Variants in ACOT11 observed in about 807,000 individuals in gnomAD.
ACOT11 encodes acyl-coenzyme A thioesterase 11.
In ACOT11, 69 loss-of-function variants were observed where a neutral mutation model predicts 77.5. That is an observed-to-expected ratio of 0.89 (90% CI 0.73 to 1.09). ACOT11 has a LOEUF of 1.09. ACOT11 is among the 50% of genes least tolerant of loss of function. The pLI is 0.00. For synonymous variants in ACOT11, 279 were observed against 313.0 expected (o/e 0.89, Z 1.15); for missense variants, 766 against 813.7 (o/e 0.94, Z 0.71).
downstream of ACOT11, chr1:54,611,099 C>T (rs545578636): frequency 2.0e-4 from 171 of 842,890 alleles, no homozygotes; most frequent in African/African-American, 1.9e-3. Flanking sequence ...TGTTTTGAGC[C>T]GCTGTTTCTC....
intron 1 of ACOT11, among the ~76,000 whole-genome samples, chr1:54,571,316 CCTT>C (rs1427176714): frequency 1.3e-5 from 2 of 152,086 alleles, no homozygotes; most frequent in Non-Finnish European, 2.9e-5. Context: ...TTTCAATAAA[CCTT>C]CTTGTAGGCT....
At chr1:54,560,370 G>T (rs1263393806) in intron 1 of ACOT11, among the ~76,000 whole-genome samples, 2 of 152,112 alleles carry the variant, frequency 1.3e-5, no homozygotes, top group African/African-American at 4.8e-5. Flanking sequence ...ATGTGAAGGA[G>T]CCAGGTCCAC....
chr1:54,563,031 G>A (rs1467494934), intron 1 of ACOT11, among the ~76,000 whole-genome samples: 5 of 150,676 alleles, frequency 3.3e-5, no homozygotes, highest in Middle Eastern at 3.4e-3. Flanking sequence ...CTGCAATCTC[G>A]GCACTTTGGG....
chr1:54,606,185 C>T (rs1336117946), intron 13 of ACOT11, among the ~76,000 whole-genome samples: 1 of 152,182 alleles, frequency 6.6e-6, no homozygotes, highest in South Asian at 2.1e-4. Flanking sequence ...TTGTCCCCTT[C>T]CAGAAGGCAG....
chr1:54,577,215 G>A (rs2100970060), intron 1 of ACOT11, among the ~76,000 whole-genome samples: 1 of 152,292 alleles, frequency 6.6e-6, no homozygotes, highest in African/African-American at 2.4e-5. Flanking sequence ...CATTCACGGT[G>A]TTGTACAACC....
At chr1:54,603,210 G>A (rs540212529) in intron 10 of ACOT11, among the ~76,000 whole-genome samples, 3 of 152,158 alleles carry the variant, frequency 2.0e-5, no homozygotes, top group Non-Finnish European at 4.4e-5. Context: ...GGTGGCTCTC[G>A]CCTGTAGTCC....
chr1:54,620,351 G>C (rs1435338436), intron 15 of ACOT11, among the ~76,000 whole-genome samples: 1 of 152,256 alleles, frequency 6.6e-6, no homozygotes, highest in Non-Finnish European at 1.5e-5. Context: ...TCAGGAGAGT[G>C]CAGTTGCCTG....
At chr1:54,619,914 G>C (rs768990252) in intron 15 of ACOT11, 5 of 1,614,054 alleles carry the variant, frequency 3.1e-6, no homozygotes, top group Non-Finnish European at 4.2e-6. Flanking sequence ...GTGGTACCAG[G>C]TGACCTCCAA....
At position 54,602,516 on chromosome 1, in the gene ACOT11, C is replaced by T. The variant is rs151337531; in HGVS notation, c.1030-153C>T. On this transcript the variant is annotated intron_variant, in intron 9 of 15. Transcript: ENST00000343744. The stretch of plus-strand genomic sequence containing the variant: ...GAGCTGGGGCTACAGCTTAGTTTCC[C>T]ACTTTGCTGGCCAGGATGTTTTGAT... Among the ~76,000 whole-genome samples the T allele has an allele frequency of 4.0e-3, 614 of 152,226 alleles. 3 individuals are homozygous for T. Among genetic ancestry groups the T allele is most frequent in the African/African-American group, 0.013 (526 of 41,544 alleles).
Position 54,616,048 on chromosome 1 carries a change from C to T in ACOT11, c.1629+7980C>T, listed in dbSNP as rs773818587. The T allele has an allele frequency of 3.1e-6, 5 of 1,614,030 alleles. No individual in the cohort carries two copies. The South Asian group carries it at 4.4e-5, about 14-fold the overall frequency. On this transcript the variant is annotated intron_variant, in intron 15 of 16. Coordinates refer to the ACOT11 transcript ENST00000371316. ...TTTGGGAAGAGCCCAGCACAGCGTC[C>T]AGCCACTGCTCCAGTGTGTTGTCAC...
intron 12 of ACOT11, 151 bp downstream of exon 12, chr1:54,604,580 C>T (rs533087364): frequency 3.6e-4 from 269 of 738,360 alleles, no homozygotes; most frequent in African/African-American, 3.6e-3. Context: ...GTTATGGAAA[C>T]GTACCCACCC....
chr1:54,581,165 A>G (rs1475372804), intron 1 of ACOT11, among the ~76,000 whole-genome samples: 5 of 152,292 alleles, frequency 3.3e-5, no homozygotes, highest in South Asian at 4.1e-4. Context: ...AAAGGAAGGT[A>G]GTTGTTGAGT....
chr1:54,584,894 G>T lies in ACOT11; in HGVS notation c.241+32G>T. The T allele has an allele frequency of 6.3e-7, 1 of 1,585,234 alleles. No individual in the cohort carries two copies. The highest frequency in any genetic ancestry group is 2.3e-5 in the East Asian group (1 of 43,402). ...CTGCGCTCCCCATGGTTCCCTACCT[G>T]CCCCACAGGCCCAGAGCAGGGGCCG... On this transcript the variant is annotated intron_variant, in intron 2 of 15. Coordinates refer to ENST00000343744, the MANE Select transcript of ACOT11 (RefSeq NM_147161.4). The surrounding 1 kb of genome is among the most constrained non-coding windows in gnomAD (Gnocchi z 6.3).
At position 54,631,712 on chromosome 1, in the gene ACOT11, C is replaced by T. The variant is rs533830618; in HGVS notation, c.1782+826C>T. Among the ~76,000 whole-genome samples the T allele has an allele frequency of 1.6e-4, 25 of 152,274 alleles. No homozygotes were observed. In the South Asian group the frequency reaches 5.2e-3, roughly 32 times the overall value. ...ATCACTTCAGGTGGGGAACAATACC[C>T]TTCCTTTAGTGCTATAGAGCAGGGA... On this transcript the variant is annotated intron_variant, in intron 16 of 16. Transcript: ENST00000371316.
chr1:54,620,171 A>G (rs1557674321), intron 15 of ACOT11, among the ~76,000 whole-genome samples: 1 of 152,200 alleles, frequency 6.6e-6, no homozygotes, highest in Non-Finnish European at 1.5e-5. Flanking sequence ...GAGGGAAATG[A>G]ATGGGCTCCT....
rs768552604 is a variant in ACOT11 at position 54,584,873 on chromosome 1, G to A, written c.241+11G>A. Reference sequence around the variant, plus strand: ...CGGCTTGCCTGTCCGGTAAGGCTGCGCTCCCCATGGTTCCCTACCTGCCCC... The same window carrying A: ...CGGCTTGCCTGTCCGGTAAGGCTGCACTCCCCATGGTTCCCTACCTGCCCC... On this transcript the variant is annotated intron_variant, in intron 2 of 15. Transcript: ENST00000343744. This position sits in a 1 kb window ranked among gnomAD's most constrained non-coding sequence, Gnocchi z 6.3. The A allele has an allele frequency of 1.1e-5, 17 of 1,606,184 alleles. No homozygotes were observed. The South Asian group carries it at 1.1e-4, about 10-fold the overall frequency.
At chr1:54,574,533 C>T (rs1252456108) in intron 1 of ACOT11, among the ~76,000 whole-genome samples, 2 of 152,218 alleles carry the variant, frequency 1.3e-5, no homozygotes, top group Non-Finnish European at 2.9e-5. Flanking sequence ...CATGTGTTCC[C>T]TCCTTTGCAC....
chr1:54,610,389 C>T (rs896766124), downstream of ACOT11: 52 of 1,608,496 alleles, frequency 3.2e-5, no homozygotes, highest in Middle Eastern at 1.7e-3. Flanking sequence ...CTGGGAGCAC[C>T]GGGGCTGAAG....
rs898276554 is a variant in ACOT11 at position 54,636,776 on chromosome 1, C to G, written c.*2047C>G. 3.3e-5 allele frequency: 5 copies of G among 153,002 alleles called. No individual in the cohort carries two copies. In the East Asian group the frequency reaches 9.6e-4, roughly 29 times the overall value. 9.5% of individuals were successfully genotyped at this position (153,002 alleles called of 1,614,324 possible). On this transcript the variant is annotated 3_prime_UTR_variant, in exon 17 of 17. Transcript: ENST00000371316. Reference sequence around the variant, plus strand: ...ATACCTGGCTTTCCTAGGCAGAGGTCCCTGCGGCCTTTGCAGTATTTTGCG... The same window carrying G: ...ATACCTGGCTTTCCTAGGCAGAGGTGCCTGCGGCCTTTGCAGTATTTTGCG...
Sources: allele counts gnomAD v4.1 joint callset (sites outside exome capture counted in the v4.1 genomes callset), GRCh38; gene constraint gnomAD v4.1.1; non-coding constraint Gnocchi (gnomAD v3.1); transcripts MANE v1.5; gene names NCBI Gene and HGNC (gene_info 2026-07-23, HGNC 2026-07-21).